RYR1: variants seen among roughly 807,000 people sequenced by gnomAD.
RYR1 encodes central core disease of muscle.
Under a neutral mutation model 583.5 loss-of-function variants are expected in RYR1, and 342 were observed. The observed-to-expected ratio is 0.59, with a 90% confidence interval of 0.54 to 0.64. RYR1 has a LOEUF of 0.64. RYR1 is among the 30% of genes least tolerant of loss of function. The pLI, the probability that RYR1 is intolerant of heterozygous loss-of-function variation, is 0.00. For synonymous variants in RYR1, 2,791 were observed against 2,822.5 expected, an observed-to-expected ratio of 0.99 and a Z score of 0.35; for missense variants, 6,032 against 6,917.2, an observed-to-expected ratio of 0.87 and a Z score of 4.54.
Position 38,467,793 on chromosome 19 carries a change from A to G in RYR1, c.3362A>G (p.Tyr1121Cys), listed in dbSNP as rs756138074. Residue 1121 changes from tyrosine to cysteine, a missense_variant, in exon 25 of 106, where the codon TAT (tyrosine) becomes TGT (cysteine). By Grantham distance (194) the Tyr-to-Cys change is radical. Around this residue, in one of 11 missense-constraint regions of RYR1, gnomAD observed 2,627 missense variants for 2,961.3 expected, o/e 0.89. Coordinates refer to ENST00000359596, the MANE Select transcript of RYR1 (RefSeq NM_000540.3). ...DVELGADELA[Y>C]VFNGHRGQRW... ...GAGCTGGGAGCTGACGAGCTGGCCTATGTCTTCAATGGGCACCGCGTGGGT... is the reference window on the plus strand; with the variant it reads ...GAGCTGGGAGCTGACGAGCTGGCCTGTGTCTTCAATGGGCACCGCGTGGGT... 5.0e-6 allele frequency: 8 copies of G among 1,613,918 alleles called. No homozygotes were observed. Among genetic ancestry groups the G allele is most frequent in the Admixed American group, 3.3e-5 (2 of 59,994 alleles).
intron 2 of RYR1, 76 bp from the exon 3 acceptor site, chr19:38,442,273 G>A: frequency 9.9e-7 from 1 of 1,013,564 alleles, no homozygotes; most frequent in South Asian, 1.3e-5. Context: ...CAGACTAGGG[G>A]AGGGAGTGTG....
rs1246271207 is a variant in RYR1, at chr19:38,504,371, C to T, written c.8067+11C>T. 5 of 1,612,456 alleles carry T rather than the reference C, an allele frequency of 3.1e-6. No individual in the cohort carries two copies. In the African/African-American group the frequency reaches 4.0e-5, roughly 13 times the overall value. The stretch of plus-strand genomic sequence containing the variant: ...TCTCTGGCCCATAAGGTCTGGGCAG[C>T]AGGGAGCCCCAAAATGGCCTATGTG... On this transcript the variant is annotated intron_variant, in intron 50 of 105. Transcript: ENST00000359596.
At position 38,444,717 on chromosome 19, in the gene RYR1, A is replaced by G; in HGVS notation, c.631+40A>G. The G allele has an allele frequency of 8.4e-7, 1 of 1,192,938 alleles. No individual in the cohort carries two copies. Among genetic ancestry groups the G allele is most frequent in the South Asian group, 1.2e-5 (1 of 80,640 alleles). The allele number at this position is 1,192,938 out of a possible 1,614,324, so 73.9% of individuals were successfully genotyped here. On this transcript the variant is annotated intron_variant, in intron 7 of 105. Coordinates refer to ENST00000359596, the MANE Select transcript of RYR1 (RefSeq NM_000540.3). This position sits in a 1 kb window ranked among gnomAD's most constrained non-coding sequence, Gnocchi z 5.1. Reference sequence around the variant, plus strand: ...CCTCCCCCTAAATGGAGATCCCCCCAAAACAGACCCTTAATGTTGCCCTTC... The same window carrying G: ...CCTCCCCCTAAATGGAGATCCCCCCGAAACAGACCCTTAATGTTGCCCTTC...
At chr19:38,506,242 G>T (rs551557620) in intron 54 of RYR1, 61 bp from the exon 55 acceptor site, 1 of 1,553,572 alleles carries the variant, frequency 6.4e-7, no homozygotes, top group Non-Finnish European at 8.9e-7. Context: ...CTGGGGAGGG[G>T]CTGGCCTGGG....
chr19:38,526,908 G>T lies in RYR1; in HGVS notation c.10627-85G>T. ...CCAGAAAAACCTCTTCAGTTCCTGGGGTGCTGGGCCTGGAAGGAAAGGGTT... is the reference window on the plus strand; with the variant it reads ...CCAGAAAAACCTCTTCAGTTCCTGGTGTGCTGGGCCTGGAAGGAAAGGGTT... On this transcript the variant is annotated intron_variant, in intron 71 of 105. Coordinates refer to ENST00000359596, the MANE Select transcript of RYR1 (RefSeq NM_000540.3). The T allele has an allele frequency of 2.1e-6, 3 of 1,446,192 alleles. No homozygotes were observed. In the South Asian group the frequency reaches 3.4e-5, roughly 17 times the overall value. 89.6% of individuals were successfully genotyped at this position (1,446,192 alleles called of 1,614,324 possible). A position where few individuals can be genotyped will look rare whatever the true frequency, so the allele number is the denominator to read the frequency against.
chr19:38,479,634 C>T (rs969853596), intron 31 of RYR1, among the ~76,000 whole-genome samples: 7 of 151,774 alleles, frequency 4.6e-5, no homozygotes, highest in African/African-American at 1.7e-4. Context: ...GCTGGTCTCT[C>T]GCTTCTGGGC....
In RYR1 at chr19:38,490,176, A is replaced by G; in HGVS notation, c.5915A>G (p.Asn1972Ser). ...AERYVDKLQANQRSRYGLLIK... is the reference protein window; with the variant it reads ...AERYVDKLQASQRSRYGLLIK... ...CGCTATGTGGACAAGCTCCAGGCCA[A>G]CCAGCGGAGCCGCTATGGCCTCCTC... Residue 1972 changes from asparagine to serine, a missense_variant, in exon 36 of 106, where the codon AAC becomes AGC. Transcript: ENST00000359596. 1 of 1,614,224 alleles carries G rather than the reference A, an allele frequency of 6.2e-7. No homozygotes were observed. Among genetic ancestry groups the G allele is most frequent in the South Asian group, 1.1e-5 (1 of 91,092 alleles).
intron 101 of RYR1, among the ~76,000 whole-genome samples, chr19:38,583,373 G>A (rs1001885997): frequency 2.6e-5 from 4 of 151,308 alleles, no homozygotes; most frequent in Non-Finnish European, 5.9e-5. Flanking sequence ...CGACTACTCA[G>A]GAGGCTGAGG....
intron 27 of RYR1, among the ~76,000 whole-genome samples, chr19:38,470,814 T>A (rs1224687414): frequency 6.6e-6 from 1 of 152,024 alleles, no homozygotes; most frequent in Non-Finnish European, 1.5e-5. Context: ...CCAGTTGAGG[T>A]CTGAGTTTTG....
chr19:38,504,661 TG>T, intron 50 of RYR1, 86 bp from the exon 51 acceptor site: 1 of 1,552,720 alleles, frequency 6.4e-7, no homozygotes, highest in Non-Finnish European at 8.9e-7. Flanking sequence ...GGAGGAGGGC[TG>T]ATGATTGCAG....
In RYR1 at chr19:38,485,988, C is replaced by A. The variant is rs367543055; in HGVS notation, c.5333C>A (p.Ser1778Ter). The change falls in exon 34 of 106, where the codon TCG becomes TAG. Residue 1778 changes from serine (S) to a stop codon, truncating the protein, a stop_gained. Coordinates refer to ENST00000359596, the MANE Select transcript of RYR1 (RefSeq NM_000540.3). LOFTEE classifies it high-confidence loss of function. ...TTSLRPPHHFSPPCFVAALPA... is the reference protein window; with the variant it reads ...TTSLRPPHHF ...TCGCTGAGGCCCCCGCATCATTTCT[C>A]GCCCCCCTGTTTCGTGGCCGCTCTG... The A allele has an allele frequency of 3.7e-6, 6 of 1,613,582 alleles. No homozygotes were observed. Among genetic ancestry groups the A allele is most frequent in the Non-Finnish European group, 5.1e-6 (6 of 1,179,942 alleles).
chr19:38,542,587 A>C (rs1480419240), intron 84 of RYR1, among the ~76,000 whole-genome samples: 4 of 151,942 alleles, frequency 2.6e-5, no homozygotes, highest in Admixed American at 6.6e-5. Flanking sequence ...GGCATGATCT[A>C]GGCTCACTGC....
At position 38,496,786 on chromosome 19, in the gene RYR1, T is replaced by C; in HGVS notation, c.6797-74T>C. ...CACCTGATCCAGGCTGGAAAAAGGG[T>C]GGTCAGGGAGGGCTTCCCAGAGGAG... On this transcript the variant is annotated intron_variant, in intron 41 of 105. Transcript: ENST00000359596. This position sits in a 1 kb window ranked among gnomAD's most constrained non-coding sequence, Gnocchi z 4.8. 1 of 1,411,718 alleles carries C rather than the reference T, an allele frequency of 7.1e-7. No individual in the cohort carries two copies. The highest frequency in any genetic ancestry group is 1.0e-6 in the Non-Finnish European group (1 of 998,138). 87.4% of individuals were successfully genotyped at this position (1,411,718 alleles called of 1,614,324 possible).
At chr19:38,466,004 AG>A in intron 23 of RYR1, 86 bp from the exon 24 acceptor site, 2 of 1,285,808 alleles carry the variant, frequency 1.6e-6, no homozygotes, top group Non-Finnish European at 2.2e-6. Flanking sequence ...AGCTGGGACA[AG>A]GGTCAGCAGT....
Position 38,543,280 on chromosome 19 carries a change from A to G in RYR1, c.11690-67A>G, listed in dbSNP as rs572556282. 4.2e-5 allele frequency: 56 copies of G among 1,348,012 alleles called. No individual in the cohort carries two copies. In the African/African-American group the frequency reaches 6.8e-4, roughly 16 times the overall value. The allele number at this position is 1,348,012 out of a possible 1,614,324, so 83.5% of individuals were successfully genotyped here. ...CACATGAGTATTGCATAAATGAATA[A>G]ATGACCCACTGTTCATCTCCCCTAG... On this transcript the variant is annotated intron_variant, in intron 84 of 105. Coordinates refer to ENST00000359596, the MANE Select transcript of RYR1 (RefSeq NM_000540.3). The surrounding 1 kb of genome is among the most constrained non-coding windows in gnomAD (Gnocchi z 4.4).
chr19:38,453,355 G>A (rs1250396230), intron 13 of RYR1, among the ~76,000 whole-genome samples: 2 of 152,026 alleles, frequency 1.3e-5, no homozygotes, highest in African/African-American at 4.8e-5. Context: ...TGAGGCCTGG[G>A]GAGGTGAGGC....
At chr19:38,458,828 T>C (rs926053972) in intron 18 of RYR1, among the ~76,000 whole-genome samples, 2 of 152,140 alleles carry the variant, frequency 1.3e-5, no homozygotes, top group African/African-American at 4.8e-5. Flanking sequence ...TTTCACCACA[T>C]TGGCCAGGCT....
chr19:38,575,887 T>C (rs780237524), intron 96 of RYR1, 32 bp from the exon 97 acceptor site: 3 of 1,613,510 alleles, frequency 1.9e-6, no homozygotes, highest in Non-Finnish European at 2.5e-6. Flanking sequence ...CCTAACATCT[T>C]ATACTCACGC....
intron 31 of RYR1, among the ~76,000 whole-genome samples, chr19:38,480,154 G>T (rs974227496): frequency 2.9e-4 from 44 of 151,310 alleles, no homozygotes; most frequent in African/African-American, 1.0e-3. Context: ...TTGTCTGTTT[G>T]TTTTTTGAGA....
Sources: gnomAD v4.1 joint callset for allele counts (sites outside exome capture counted in the v4.1 genomes callset) on GRCh38, gnomAD v4.1.1 for gene constraint, gnomAD v4.1.1 regional missense constraint, Gnocchi (gnomAD v3.1) non-coding constraint, MANE v1.5 for transcripts, NCBI Gene and HGNC (gene_info 2026-07-23, HGNC 2026-07-21) for gene names.